The following PANK1 variants were observed in gnomAD, a reference collection of about 807,000 sequenced individuals.
PANK1 encodes pantothenic acid kinase 1.
PANK1 carries 18 observed loss-of-function variants against 40.1 expected under a neutral mutation model. The observed-to-expected ratio is 0.45, with a 90% CI of 0.31 to 0.67. The LOEUF (loss-of-function observed/expected upper bound fraction) is 0.67. Ranked by LOEUF, PANK1 falls within the 30% of genes least tolerant of loss-of-function variation. The pLI is 0.06. For synonymous variants in PANK1, 242 were observed against 237.7 expected, an observed-to-expected ratio of 1.02 and a Z score of -0.17; for missense variants, 457 against 599.6, an observed-to-expected ratio of 0.76 and a Z score of 2.48.
intron 1 of PANK1, among the ~76,000 whole-genome samples, chr10:89,641,768 T>TAAATAAATAAATA (rs1554843759): frequency 9.9e-6 from 1 of 100,870 alleles, no homozygotes; most frequent in African/African-American, 4.3e-5. Flanking sequence ...AATAAATAAA[T>TAAATAAATAAATA]AAATAAAATA....
intron 1 of PANK1, among the ~76,000 whole-genome samples, chr10:89,636,931 G>A (rs938663085): frequency 6.7e-6 from 1 of 149,674 alleles, no homozygotes; most frequent in Admixed American, 6.7e-5. Context: ...GCGCGATCTC[G>A]ACTCACTGCA....
Position 89,644,975 on chromosome 10 carries a change from A to C in PANK1, c.-84T>G. ...TTCTCCGGCGTCTTTATTTCCCCGG[A>C]TCCTCCCTGCGGCTTCCGATTCAGC... On this transcript the variant is annotated 5_prime_UTR_variant, in exon 1 of 7. Coordinates refer to ENST00000307534, the MANE Select transcript of PANK1 (RefSeq NM_148977.3). The C allele has an allele frequency of 6.3e-7, 1 of 1,575,910 alleles. No individual in the cohort carries two copies. Among genetic ancestry groups the C allele is most frequent in the East Asian group, 2.5e-5 (1 of 39,716 alleles).
At chr10:89,613,393 G>A (rs1845220793) in intron 1 of PANK1, among the ~76,000 whole-genome samples, 1 of 152,206 alleles carries the variant, frequency 6.6e-6, no homozygotes. Flanking sequence ...GGGCCCTGCA[G>A]AAGGTCTTTT....
intron 2 of PANK1, among the ~76,000 whole-genome samples, chr10:89,610,364 C>G (rs574204706): frequency 6.6e-6 from 1 of 151,982 alleles, no homozygotes; most frequent in African/African-American, 2.4e-5. Context: ...TTTTAAAACT[C>G]TTTGATCATG....
chr10:89,618,213 T>G (rs1385371221), intron 1 of PANK1, among the ~76,000 whole-genome samples: 1 of 152,238 alleles, frequency 6.6e-6, no homozygotes, highest in Non-Finnish European at 1.5e-5. Context: ...TTAGAATGAC[T>G]GAGCACCAGT....
intron 2 of PANK1, among the ~76,000 whole-genome samples, chr10:89,610,506 G>A (rs915008380): frequency 1.3e-5 from 2 of 152,080 alleles, no homozygotes; most frequent in African/African-American, 4.8e-5. Flanking sequence ...TCTCACTTAG[G>A]ATACTATTCT....
chr10:89,580,021 C>T (rs1207276045), downstream of PANK1: 1 of 152,232 alleles, frequency 6.6e-6, no homozygotes, highest in Non-Finnish European at 1.5e-5. Flanking sequence ...ATCTTCTGAT[C>T]ACTGGGAGGA....
intron 2 of PANK1, among the ~76,000 whole-genome samples, chr10:89,609,295 C>A (rs1845080436): frequency 6.6e-6 from 1 of 152,166 alleles, no homozygotes; most frequent in Non-Finnish European, 1.5e-5. Context: ...AACCCCTGGC[C>A]TCAAGCAATC....
Position 89,593,628 on chromosome 10 carries a change from A to T in PANK1, c.1076+185T>A, listed in dbSNP as rs757108370. Among the ~76,000 whole-genome samples the T allele has an allele frequency of 2.0e-5, 3 of 152,220 alleles. No individual in the cohort carries two copies. The East Asian group carries it at 5.8e-4, about 29-fold the overall frequency. The stretch of plus-strand genomic sequence containing the variant: ...TCTTTCAAAGTTGCCTTATTTTAAG[A>T]ACAAGCATCAAGAGCTAAACATCTC... On this transcript the variant is annotated intron_variant, in intron 4 of 6. Transcript: ENST00000307534.
Position 89,644,926 on chromosome 10 carries a change from C to T in PANK1, c.-35G>A. The T allele has an allele frequency of 6.4e-7, 1 of 1,554,372 alleles. No individual in the cohort carries two copies. The highest frequency in any genetic ancestry group is 8.7e-7 in the Non-Finnish European group (1 of 1,154,726). ...TGGCGGGGCTGTGCGCGGGCCCCGG[C>T]TCAGGCGGCCTCGCTGGAGGTCATT... On this transcript the variant is annotated 5_prime_UTR_variant, in exon 1 of 7. Transcript: ENST00000307534.
intron 1 of PANK1, among the ~76,000 whole-genome samples, chr10:89,622,454 G>T (rs1448083504): frequency 6.6e-6 from 1 of 152,102 alleles, no homozygotes; most frequent in Non-Finnish European, 1.5e-5. Flanking sequence ...ATATTAAAAA[G>T]CTCCAGATTC....
intron 2 of PANK1, among the ~76,000 whole-genome samples, chr10:89,607,638 G>T (rs1042685015): frequency 1.2e-4 from 19 of 152,266 alleles, no homozygotes; most frequent in Admixed American, 3.9e-4. Flanking sequence ...CAGAATTAAT[G>T]ACTTTTTAAA....
intron 2 of PANK1, among the ~76,000 whole-genome samples, chr10:89,607,168 T>A (rs1844992561): frequency 6.6e-6 from 1 of 152,212 alleles, no homozygotes; most frequent in South Asian, 2.1e-4. Context: ...ATTTAAAGTG[T>A]GGGACATGGG....
chr10:89,593,155 A>T (rs542020140), intron 5 of PANK1, 42 bp downstream of exon 5: 1 of 1,603,156 alleles, frequency 6.2e-7, no homozygotes, highest in Non-Finnish European at 8.5e-7. Context: ...GATGATGTAT[A>T]TGAATGACAC....
At chr10:89,624,272 AC>A in intron 1 of PANK1, among the ~76,000 whole-genome samples, 1 of 152,352 alleles carries the variant, frequency 6.6e-6, no homozygotes, top group Non-Finnish European at 1.5e-5. Flanking sequence ...GACCTGCCAT[AC>A]TTTTAGGCAC....
At chr10:89,595,866 A>G (rs1365416518) in intron 3 of PANK1, among the ~76,000 whole-genome samples, 1 of 117,796 alleles carries the variant, frequency 8.5e-6, no homozygotes, top group South Asian at 2.8e-4. Context: ...ATATATATAT[A>G]TATATATAAC....
rs535647401 is a variant in PANK1 at position 89,615,997 on chromosome 10, T to G, written c.293-3949A>C. On this transcript the variant is annotated intron_variant, in intron 1 of 6. Transcript: ENST00000307534. ...AGTTGAACTACTAATAAGAGCTTAT[T>G]CTGTGTTTGCCAAGAGGAGTGATGT... Among the ~76,000 whole-genome samples the G allele has an allele frequency of 7.2e-5, 11 of 152,360 alleles. No individual in the cohort carries two copies. The South Asian group carries it at 1.9e-3, about 26-fold the overall frequency.
In PANK1 at chr10:89,644,808, G is replaced by A; in HGVS notation, c.84C>T (p.Asn28=). 2 of 1,461,016 alleles carry A rather than the reference G, an allele frequency of 1.4e-6. No homozygotes were observed. Among genetic ancestry groups the A allele is most frequent in the African/African-American group, 1.5e-5 (1 of 67,104 alleles). The allele number at this position is 1,461,016 out of a possible 1,614,324, so 90.5% of individuals were successfully genotyped here. A position where few individuals can be genotyped will look rare whatever the true frequency, so the allele number is the denominator to read the frequency against. The change falls in exon 1 of 7, where the codon AAC becomes AAT. Residue 28 remains asparagine (N), a synonymous_variant. Coordinates refer to ENST00000307534, the MANE Select transcript of PANK1 (RefSeq NM_148977.3). ...APVGTSAAAV[N]GLLHNGFHPP... is the part of the protein sequence containing the mutation. ...GATGGAAGCCGTTGTGCAGCAGCCC[G>A]TTCACAGCGGCGGCGCTGGTGCCCA...
rs185163370 is a variant in PANK1 at position 89,633,141 on chromosome 10, A to G, written c.292+11459T>C. Among the ~76,000 whole-genome samples, 586 of 152,024 alleles carry G rather than the reference A, an allele frequency of 3.9e-3. 5 individuals are homozygous for G. Among genetic ancestry groups the G allele is most frequent in the African/African-American group, 0.013 (556 of 41,506 alleles). ...GTTTGCCAGTTTCCACGGTGTATAT[A>G]TATATATATCCATGATGGCCAGTTT... On this transcript the variant is annotated intron_variant, in intron 1 of 6. Transcript: ENST00000307534.
Sources: gnomAD v4.1 joint callset for allele counts (sites outside exome capture counted in the v4.1 genomes callset) on GRCh38, gnomAD v4.1.1 for gene constraint, MANE v1.5 for transcripts, NCBI Gene and HGNC (gene_info 2026-07-23, HGNC 2026-07-21) for gene names.